LANCL3: variants seen among roughly 807,000 people sequenced by gnomAD.
LANCL3 encodes the protein lanC-like protein 3.
A neutral mutation model predicts 26.5 loss-of-function variants in LANCL3; 19 were observed. The ratio of observed to expected loss-of-function variants is 0.72; its 90% CI spans 0.50 to 1.05. The LOEUF (loss-of-function observed/expected upper bound fraction) is 1.05, where lower values mean the gene tolerates loss of function less well. Among genes scored for constraint, LANCL3 ranks in the 50% least tolerant of loss-of-function variants. LANCL3 has a pLI of 0.00. For missense variants in LANCL3, 318 were observed against 362.7 expected (o/e 0.88, Z 1.00); for synonymous variants, 160 against 166.6 (o/e 0.96, Z 0.30).
At chrX:37,582,185 A>C (rs781866843) in intron 1 of LANCL3, among the ~76,000 whole-genome samples, 92 of 111,954 alleles carry the variant, frequency 8.2e-4, no homozygotes, top group African/African-American at 2.8e-3. Context: ...TCTATCATTG[A>C]TGGACATTTG....
chrX:37,590,323 T>A (rs1924237798), intron 1 of LANCL3, among the ~76,000 whole-genome samples: 2 of 112,544 alleles, frequency 1.8e-5, no homozygotes, highest in Admixed American at 1.9e-4. Flanking sequence ...TTCAAATGAG[T>A]TTTCCTCAGC....
In LANCL3 at chrX:37,571,752, C is replaced by T; in HGVS notation, c.-119C>T. On this transcript the variant is annotated 5_prime_UTR_variant, in exon 1 of 5. Transcript: ENST00000378619. ...CACCTCCCGTCTCATCCTTCTCGCTCCTTCCCCGCCGCATACACCGGCATC... is the reference window on the plus strand; with the variant it reads ...CACCTCCCGTCTCATCCTTCTCGCTTCTTCCCCGCCGCATACACCGGCATC... 1 of 570,982 alleles carries T rather than the reference C, an allele frequency of 1.8e-6. No homozygotes were observed. Among genetic ancestry groups the T allele is most frequent in the Non-Finnish European group, 2.7e-6 (1 of 370,218 alleles). 47.1% of individuals were successfully genotyped at this position (570,982 alleles called of 1,213,427 possible).
chrX:37,612,822 A>C (rs937171581), intron 1 of LANCL3, among the ~76,000 whole-genome samples: 2 of 111,938 alleles, frequency 1.8e-5, no homozygotes, highest in Admixed American at 1.9e-4. Context: ...AAGTGATAGA[A>C]TAGAAGGCTG....
intron 1 of LANCL3, among the ~76,000 whole-genome samples, chrX:37,594,395 G>A (rs1348749942): frequency 1.8e-5 from 2 of 112,039 alleles, no homozygotes; most frequent in Non-Finnish European, 3.8e-5. Context: ...ACATTGCAGA[G>A]AGGTTAAGTA....
Position 37,683,719 on chromosome X carries a change from A to G in LANCL3, c.*7906A>G, listed in dbSNP as rs1926991539. 8.9e-6 allele frequency: 1 copy of G among 112,067 alleles called. No individual in the cohort carries two copies. The highest frequency in any genetic ancestry group is 3.2e-5 in the African/African-American group (1 of 30,891). 9.2% of individuals were successfully genotyped at this position (112,067 alleles called of 1,213,427 possible). On this transcript the variant is annotated 3_prime_UTR_variant, in exon 5 of 5. Coordinates refer to ENST00000378619, the MANE Select transcript of LANCL3 (RefSeq NM_001170331.2). ...AGTAGAATATTTTGCCAGATATTTT[A>G]CTATATCACAAAATGTCATACTACT...
At chrX:37,593,729 A>G (rs782505456) in intron 1 of LANCL3, among the ~76,000 whole-genome samples, 1 of 111,894 alleles carries the variant, frequency 8.9e-6, no homozygotes. Flanking sequence ...ATTTATACAC[A>G]GTTTGTTTTG....
At chrX:37,577,539 T>G (rs782751105) in intron 1 of LANCL3, among the ~76,000 whole-genome samples, 1 of 112,469 alleles carries the variant, frequency 8.9e-6, no homozygotes, top group East Asian at 2.8e-4. Context: ...AGTTTACATT[T>G]GTAACGAAAT....
chrX:37,591,821 C>T (rs1321118854), intron 1 of LANCL3, among the ~76,000 whole-genome samples: 25 of 108,643 alleles, frequency 2.3e-4, no homozygotes, highest in African/African-American at 8.1e-4. Flanking sequence ...TCTAAAGAAG[C>T]CTGCAGGTGA....
chrX:37,586,891 G>C (rs1356233103), intron 1 of LANCL3, among the ~76,000 whole-genome samples: 1 of 110,792 alleles, frequency 9.0e-6, no homozygotes, highest in South Asian at 4.1e-4. Flanking sequence ...AGAATTTTCA[G>C]GTTTTCTGCT....
chrX:37,638,429 C>T (rs1556425554), intron 1 of LANCL3, among the ~76,000 whole-genome samples: 1 of 111,304 alleles, frequency 9.0e-6, no homozygotes, highest in African/African-American at 3.3e-5. Flanking sequence ...ATTCCTCTTC[C>T]CAGTAGGGTG....
At chrX:37,661,138 G>A (rs929651399) in intron 3 of LANCL3, among the ~76,000 whole-genome samples, 1 of 111,410 alleles carries the variant, frequency 9.0e-6, no homozygotes, top group Non-Finnish European at 1.9e-5. Flanking sequence ...TACCAGCAAG[G>A]ATCCTTGAAT....
intron 1 of LANCL3, among the ~76,000 whole-genome samples, chrX:37,627,696 A>C (rs1482048048): frequency 9.0e-6 from 1 of 111,618 alleles, no homozygotes; most frequent in Non-Finnish European, 1.9e-5. Context: ...GAGTGCTAGC[A>C]CCTCAGAATC....
At chrX:37,657,805 A>G (rs1177071639) in intron 2 of LANCL3, among the ~76,000 whole-genome samples, 1 of 111,883 alleles carries the variant, frequency 8.9e-6, no homozygotes, top group Non-Finnish European at 1.9e-5. Context: ...TTTCATGATC[A>G]GATTTTAAGA....
intron 1 of LANCL3, among the ~76,000 whole-genome samples, chrX:37,623,985 T>C: frequency 8.9e-6 from 1 of 112,620 alleles, no homozygotes; most frequent in Middle Eastern, 4.6e-3. Context: ...TTTCATTGTA[T>C]ATAGATGTAC....
At chrX:37,618,017 T>C (rs782321137) in intron 1 of LANCL3, among the ~76,000 whole-genome samples, 1 of 111,983 alleles carries the variant, frequency 8.9e-6, no homozygotes, top group South Asian at 3.8e-4. Flanking sequence ...CTGCTCTGTC[T>C]CTGACCTACT....
chrX:37,583,582 G>A (rs1279914053), intron 1 of LANCL3, among the ~76,000 whole-genome samples: 2 of 111,620 alleles, frequency 1.8e-5, no homozygotes, highest in Non-Finnish European at 3.8e-5. Flanking sequence ...TGAAGCAATT[G>A]TGAATGGGAG....
intron 1 of LANCL3, among the ~76,000 whole-genome samples, chrX:37,579,352 C>T (rs1197683091): frequency 8.1e-5 from 9 of 111,166 alleles, no homozygotes; most frequent in South Asian, 3.8e-4. Context: ...GTTCCAAGAC[C>T]GCCAGTGGAT....
rs183556829 is a variant in LANCL3 at position 37,635,943 on chromosome X, G to A, written c.574-19745G>A. 5.6e-3 allele frequency among the ~76,000 whole-genome samples: 617 copies of A among 109,993 alleles called. 4 individuals are homozygous for A. The highest frequency in any genetic ancestry group is 8.4e-3 in the Non-Finnish European group (443 of 52,618). On this transcript the variant is annotated intron_variant, in intron 1 of 4. Coordinates refer to ENST00000378619, the MANE Select transcript of LANCL3 (RefSeq NM_001170331.2). ...AATAGTATTCAATAGGTAGGTTTTT[G>A]ATCCTCACTCTTCTCCCTCCCCCAC...
intron 1 of LANCL3, among the ~76,000 whole-genome samples, chrX:37,589,161 TC>T (rs1263168159): frequency 2.5e-4 from 28 of 112,049 alleles, no homozygotes; most frequent in Non-Finnish European, 4.3e-4. Context: ...GTTTTTTTTT[TC>T]TTCTGAGACA....
Sources: allele counts gnomAD v4.1 joint callset (sites outside exome capture counted in the v4.1 genomes callset), GRCh38; gene constraint gnomAD v4.1.1; transcripts MANE v1.5; gene names NCBI Gene and HGNC (gene_info 2026-07-23, HGNC 2026-07-21).